PAQR3: variants seen among roughly 807,000 people sequenced by gnomAD.
PAQR3 encodes the protein Raf kinase trapping to Golgi.
In PAQR3, 39 loss-of-function variants were observed where a neutral mutation model predicts 41.7. The observed-to-expected ratio is 0.93, with a 90% CI of 0.72 to 1.22. The LOEUF (loss-of-function observed/expected upper bound fraction) is 1.22, where lower values mean the gene tolerates loss of function less well. Among genes scored for constraint, PAQR3 ranks in the 50% most tolerant of loss-of-function variants. The pLI is 0.00. For synonymous variants in PAQR3, 140 were observed against 140.6 expected, an observed-to-expected ratio of 1.00 and a Z score of 0.03; for missense variants, 366 against 385.6, an observed-to-expected ratio of 0.95 and a Z score of 0.42.
intron 3 of PAQR3, among the ~76,000 whole-genome samples, chr4:78,929,003 G>T (rs1294746585): frequency 6.6e-6 from 1 of 152,216 alleles, no homozygotes; most frequent in Non-Finnish European, 1.5e-5. Flanking sequence ...CGCTGCTGCT[G>T]ATCTGACAGG....
In PAQR3 at chr4:78,919,353, G is replaced by T; in HGVS notation, c.*1186C>A. 1 of 983,130 alleles carries T rather than the reference G, an allele frequency of 1.0e-6. No individual in the cohort carries two copies. Among genetic ancestry groups the T allele is most frequent in the Non-Finnish European group, 1.2e-6 (1 of 828,120 alleles). The allele number at this position is 983,130 out of a possible 1,614,324, so 60.9% of individuals were successfully genotyped here. A position where few individuals can be genotyped will look rare whatever the true frequency, so the allele number is the denominator to read the frequency against. ...GTCTACTTTAAGGGATTTAACTAATGCATATGAAAGACCAAAGAATAAGAG... is the reference window on the plus strand; with the variant it reads ...GTCTACTTTAAGGGATTTAACTAATTCATATGAAAGACCAAAGAATAAGAG... On this transcript the variant is annotated 3_prime_UTR_variant, in exon 6 of 6. Coordinates refer to ENST00000512733, the MANE Select transcript of PAQR3 (RefSeq NM_001040202.2).
intron 11 of PAQR3, among the ~76,000 whole-genome samples, chr4:78,897,917 A>G (rs1041578915): frequency 6.6e-6 from 1 of 152,238 alleles, no homozygotes; most frequent in African/African-American, 2.4e-5. Context: ...ACTACATGCA[A>G]TTAAGATGCA....
Position 78,920,247 on chromosome 4 carries a change from T to C in PAQR3, c.*292A>G, listed in dbSNP as rs1735517596. On this transcript the variant is annotated 3_prime_UTR_variant, in exon 6 of 6. Transcript: ENST00000512733. Reference sequence around the variant, plus strand: ...GAAATTAAGCTGGTGCTAAGTAAAATGAATCCTATTTCAACACTAGTTTCC... The same window carrying C: ...GAAATTAAGCTGGTGCTAAGTAAAACGAATCCTATTTCAACACTAGTTTCC... 9.4e-7 allele frequency: 1 copy of C among 1,058,696 alleles called. No homozygotes were observed. Among genetic ancestry groups the C allele is most frequent in the Non-Finnish European group, 1.1e-6 (1 of 878,020 alleles). 65.6% of individuals were successfully genotyped at this position (1,058,696 alleles called of 1,614,324 possible). A position where few individuals can be genotyped will look rare whatever the true frequency, so the allele number is the denominator to read the frequency against.
chr4:78,910,017 T>C (rs1294976161), downstream of PAQR3, among the ~76,000 whole-genome samples: 13 of 152,242 alleles, frequency 8.5e-5, no homozygotes, highest in Admixed American at 8.5e-4. Context: ...TCATATCATC[T>C]AGAGAAGGCA....
At position 78,930,325 on chromosome 4, in the gene PAQR3, C is replaced by G; in HGVS notation, c.349G>C (p.Val117Leu). The stretch of plus-strand genomic sequence containing the variant: ...TAGCCCACAGAGCAAAGCATACAGA[C>G]CTGTGAAAAATAAAAACAAATTAAC... Reference protein sequence around the residue: ...ICSICLFCFQVCMLCSVGYHL... With the variant: ...ICSICLFCFQLCMLCSVGYHL... The change falls in exon 3 of 6, where the codon GTC (valine) becomes CTC (leucine). Residue 117 changes from valine (V) to leucine (L), a missense_variant and splice_region_variant. Val to Leu is a conservative substitution (Grantham distance 32). Transcript: ENST00000512733. 6.3e-7 allele frequency: 1 copy of G among 1,590,486 alleles called. No homozygotes were observed.
At chr4:78,925,764 A>G in intron 4 of PAQR3, among the ~76,000 whole-genome samples, 1 of 152,254 alleles carries the variant, frequency 6.6e-6, no homozygotes, top group South Asian at 2.1e-4. Context: ...TGTATTAAAA[A>G]TTCTCAAGTT....
chr4:78,905,253 T>G (rs1489628869), intron 11 of PAQR3, among the ~76,000 whole-genome samples: 1 of 151,942 alleles, frequency 6.6e-6, no homozygotes, highest in African/African-American at 2.4e-5. Context: ...TAAACTTGCT[T>G]AGTGTCAGTA....
rs1737312193 is a variant in PAQR3, at chr4:78,935,296, C to T, written c.186-13G>A. The T allele has an allele frequency of 8.7e-6, 14 of 1,606,580 alleles. No homozygotes were observed. The highest frequency in any genetic ancestry group is 1.7e-5 in the Admixed American group (1 of 58,936). ...TAAAATAAACAAACTGGAAAATAAACACACATGCAACTGAGATTCACATTG... is the reference window on the plus strand; with the variant it reads ...TAAAATAAACAAACTGGAAAATAAATACACATGCAACTGAGATTCACATTG... On this transcript the variant is annotated splice_polypyrimidine_tract_variant and intron_variant, in intron 1 of 5. Transcript: ENST00000512733.
intron 11 of PAQR3, among the ~76,000 whole-genome samples, chr4:78,890,106 T>A (rs566407497): frequency 4.6e-5 from 7 of 152,294 alleles, no homozygotes; most frequent in African/African-American, 1.7e-4. Flanking sequence ...CAAAGTGATT[T>A]GTAAATTGAA....
intron 5 of PAQR3, chr4:78,922,158 A>G: frequency 1.9e-6 from 2 of 1,033,660 alleles, no homozygotes; most frequent in Non-Finnish European, 2.3e-6. Flanking sequence ...GTTTTCTGTA[A>G]TTCTGGCCCT....
rs1277236427 is a variant in PAQR3, at chr4:78,916,425, A to G, written c.*4114T>C. The G allele has an allele frequency of 1.3e-5, 2 of 151,898 alleles. No individual in the cohort carries two copies. The highest frequency in any genetic ancestry group is 1.3e-4 in the Admixed American group (2 of 15,200). The allele number at this position is 151,898 out of a possible 1,614,324, so 9.4% of individuals were successfully genotyped here. ...TTATGACTTTTGGATGTAAACTTCT[A>G]TTCAAATTCAGTTATTTCATTCACA... On this transcript the variant is annotated 3_prime_UTR_variant, in exon 6 of 6. Coordinates refer to ENST00000512733, the MANE Select transcript of PAQR3 (RefSeq NM_001040202.2).
chr4:78,925,629 C>CCCT (rs1328499977), intron 4 of PAQR3, among the ~76,000 whole-genome samples: 1 of 151,780 alleles, frequency 6.6e-6, no homozygotes, highest in East Asian at 1.9e-4. Flanking sequence ...CACTAATGGT[C>CCCT]CCTCCTCTTC....
chr4:78,930,903 T>C lies in PAQR3; in HGVS notation c.349-578A>G, dbSNP rs868790312. Among the ~76,000 whole-genome samples the C allele has an allele frequency of 2.1e-4, 26 of 125,358 alleles. 1 individual carries two copies. The highest frequency in any genetic ancestry group is 7.2e-4 in the African/African-American group (24 of 33,126). 82.2% of individuals were successfully genotyped at this position (125,358 alleles called of 152,430 possible). ...CATTATATATATATATATATATATA[T>C]ATACACACACATTTTAAAATTAAAT... On this transcript the variant is annotated intron_variant, in intron 2 of 5. Coordinates refer to ENST00000512733, the MANE Select transcript of PAQR3 (RefSeq NM_001040202.2).
intron 5 of PAQR3, among the ~76,000 whole-genome samples, chr4:78,921,327 ATC>A (rs1418583213): frequency 2.0e-5 from 3 of 151,940 alleles, no homozygotes; most frequent in African/African-American, 7.2e-5. Flanking sequence ...AAACTTCTTG[ATC>A]TCTCTCAGTA....
chr4:78,926,511 C>A lies in PAQR3; in HGVS notation c.702+10G>T. The A allele has an allele frequency of 6.3e-7, 1 of 1,597,226 alleles. No individual in the cohort carries two copies. Among genetic ancestry groups the A allele is most frequent in the Non-Finnish European group, 8.6e-7 (1 of 1,167,848 alleles). On this transcript the variant is annotated intron_variant, in intron 4 of 5. Coordinates refer to ENST00000512733, the MANE Select transcript of PAQR3 (RefSeq NM_001040202.2). ...AAAAAAGAGAAAAATATTAACTACA[C>A]TCAACCTACCTGTACAATAGGAGCA... is the stretch of plus-strand genomic sequence containing the variant.
rs1180351378 is a variant in PAQR3 at position 78,915,843 on chromosome 4, AAG to A, written c.*4694_*4695del. On this transcript the variant is annotated 3_prime_UTR_variant, in exon 6 of 6. Transcript: ENST00000512733. ...TTAAAATTTATACTGCTACTTTTGAAAGAATTGTTTTTATGACTATGCTCTTT... is the reference window on the plus strand; with the variant it reads ...TTAAAATTTATACTGCTACTTTTGAAAATTGTTTTTATGACTATGCTCTTT... The A allele has an allele frequency of 7.2e-5, 11 of 151,890 alleles. No homozygotes were observed. Among genetic ancestry groups the A allele is most frequent in the African/African-American group, 2.7e-4 (11 of 41,394 alleles). 9.4% of individuals were successfully genotyped at this position (151,890 alleles called of 1,614,324 possible).
At chr4:78,935,399 C>T in intron 1 of PAQR3, 116 bp from the exon 2 acceptor site, 6 of 675,392 alleles carry the variant, frequency 8.9e-6, no homozygotes, top group Non-Finnish European at 1.4e-5. Flanking sequence ...AGCTCTTACC[C>T]CACCTGTACC....
At chr4:78,928,014 T>C (rs1736420597) in intron 3 of PAQR3, among the ~76,000 whole-genome samples, 1 of 152,232 alleles carries the variant, frequency 6.6e-6, no homozygotes, top group Admixed American at 6.5e-5. Flanking sequence ...AGAAACCAGA[T>C]GGAAGAAAGC....
chr4:78,935,036 G>T, intron 2 of PAQR3, 85 bp downstream of exon 2: 1 of 1,282,334 alleles, frequency 7.8e-7, no homozygotes, highest in Non-Finnish European at 1.1e-6. Flanking sequence ...TAAAGCAAGT[G>T]GTAGGTCTGA....
Sources: allele counts gnomAD v4.1 joint callset (sites outside exome capture counted in the v4.1 genomes callset), GRCh38; gene constraint gnomAD v4.1.1; transcripts MANE v1.5; gene names NCBI Gene and HGNC (gene_info 2026-07-23, HGNC 2026-07-21).